Variants in DPP10 observed in about 807,000 individuals in gnomAD.
DPP10 encodes inactive dipeptidyl peptidase 10.
In DPP10, 33 loss-of-function variants were observed where a neutral mutation model predicts 120.9. The observed-to-expected ratio is 0.27, with a 90% CI of 0.21 to 0.37. The LOEUF (loss-of-function observed/expected upper bound fraction) is 0.37. Ranked by LOEUF, DPP10 falls within the 10% of genes least tolerant of loss-of-function variation. The pLI, the probability that DPP10 is intolerant of heterozygous loss-of-function variation, is 1.00. For missense variants in DPP10, 816 were observed against 942.8 expected (o/e 0.87, Z 1.76); for synonymous variants, 337 against 326.1 (o/e 1.03, Z -0.36).
At chr2:115,419,390 G>A (rs541035979) in intron 3 of DPP10, among the ~76,000 whole-genome samples, 2 of 152,112 alleles carry the variant, frequency 1.3e-5, no homozygotes, top group African/African-American at 4.8e-5. Context: ...AAGGAAAAGG[G>A]GAGCAGGCAT....
At chr2:115,585,316 G>T (rs2082221828) in intron 5 of DPP10, among the ~76,000 whole-genome samples, 1 of 152,138 alleles carries the variant, frequency 6.6e-6, no homozygotes, top group Non-Finnish European at 1.5e-5. Flanking sequence ...AATTTCAGTT[G>T]CAGGCATGGG....
chr2:115,806,832 C>A (rs113353092), intron 19 of DPP10, among the ~76,000 whole-genome samples: 2,765 of 152,006 alleles, frequency 0.018, 86 homozygotes, highest in African/African-American at 0.061. Flanking sequence ...TATTTTTTAT[C>A]TAAATTGCCC....
At chr2:115,038,568 C>T (rs1442613731) in intron 1 of DPP10, among the ~76,000 whole-genome samples, 3 of 152,186 alleles carry the variant, frequency 2.0e-5, no homozygotes, top group Non-Finnish European at 4.4e-5. Flanking sequence ...TGAGCCACTG[C>T]ACCCAGCCTC....
chr2:115,241,643 G>A (rs1414654492), intron 1 of DPP10, among the ~76,000 whole-genome samples: 1 of 152,098 alleles, frequency 6.6e-6, no homozygotes, highest in African/African-American at 2.4e-5. Flanking sequence ...GAGACACACA[G>A]GCTTTCTTTC....
intron 1 of DPP10, among the ~76,000 whole-genome samples, chr2:115,212,461 G>T (rs1158638532): frequency 6.6e-6 from 1 of 152,064 alleles, no homozygotes; most frequent in Non-Finnish European, 1.5e-5. Context: ...CTTTAATTCA[G>T]TGTAAACTTT....
At chr2:115,166,035 C>A (rs1369755602) in intron 1 of DPP10, among the ~76,000 whole-genome samples, 1 of 152,068 alleles carries the variant, frequency 6.6e-6, no homozygotes, top group Non-Finnish European at 1.5e-5. Context: ...GTGTAAAATG[C>A]CTTCTCTGAA....
At chr2:115,291,196 A>G (rs1184091322) in intron 1 of DPP10, among the ~76,000 whole-genome samples, 2 of 151,822 alleles carry the variant, frequency 1.3e-5, no homozygotes, top group African/African-American at 4.8e-5. Flanking sequence ...AGAGACAGAG[A>G]TCTCCCTGTG....
chr2:115,436,292 A>G (rs1172480304), intron 3 of DPP10, among the ~76,000 whole-genome samples: 1 of 151,806 alleles, frequency 6.6e-6, no homozygotes, highest in Non-Finnish European at 1.5e-5. Flanking sequence ...AACTAAGTGC[A>G]ATAGATAAAA....
intron 1 of DPP10, among the ~76,000 whole-genome samples, chr2:114,585,624 C>G (rs1412556161): frequency 6.6e-6 from 1 of 152,172 alleles, no homozygotes; most frequent in Admixed American, 6.5e-5. Context: ...GGGCAGCAAG[C>G]TGTCGAGCTG....
rs1011327229 is a variant in DPP10, at chr2:114,747,711, G to T, written c.60+304873G>T. Among the ~76,000 whole-genome samples, 7 of 152,320 alleles carry T rather than the reference G, an allele frequency of 4.6e-5. No individual in the cohort carries two copies. The East Asian group carries it at 7.7e-4, about 17-fold the overall frequency. The stretch of plus-strand genomic sequence containing the variant: ...TCTTCTCTGGATCATTCCAGTTGGA[G>T]ATCATGGGCTTCTGTATTTTTAGTA... On this transcript the variant is annotated intron_variant, in intron 1 of 25. Coordinates refer to ENST00000410059, the MANE Select transcript of DPP10 (RefSeq NM_020868.6).
chr2:115,071,971 G>A (rs116147827), intron 1 of DPP10, among the ~76,000 whole-genome samples: 1 of 152,086 alleles, frequency 6.6e-6, no homozygotes, highest in Non-Finnish European at 1.5e-5. Context: ...CAGCAAAGAA[G>A]AATTGTCCAG....
At chr2:115,361,873 G>C (rs1040506913) in intron 3 of DPP10, among the ~76,000 whole-genome samples, 14 of 152,002 alleles carry the variant, frequency 9.2e-5, no homozygotes, top group Non-Finnish European at 1.9e-4. Flanking sequence ...GTTTCTCTTG[G>C]TTGGAGAGTT....
At chr2:115,093,705 A>G (rs1709473620) in intron 1 of DPP10, among the ~76,000 whole-genome samples, 1 of 152,100 alleles carries the variant, frequency 6.6e-6, no homozygotes, top group Non-Finnish European at 1.5e-5. Flanking sequence ...GTGGTGGGCC[A>G]TTAATTATAT....
chr2:115,514,219 A>G (rs905701368), intron 4 of DPP10, among the ~76,000 whole-genome samples: 2 of 151,924 alleles, frequency 1.3e-5, no homozygotes, highest in African/African-American at 4.8e-5. Context: ...CAACTTGACT[A>G]TGATCTATCT....
intron 1 of DPP10, among the ~76,000 whole-genome samples, chr2:115,227,988 C>T (rs1160675399): frequency 2.0e-5 from 3 of 147,488 alleles, no homozygotes; most frequent in African/African-American, 5.0e-5. Context: ...GTAGTGTGAT[C>T]GTGGCTCTCT....
intron 5 of DPP10, among the ~76,000 whole-genome samples, chr2:115,634,651 G>A (rs1001680508): frequency 6.6e-6 from 1 of 152,162 alleles, no homozygotes; most frequent in Non-Finnish European, 1.5e-5. Context: ...ACTGTATAAT[G>A]TGTCTGGCAA....
At chr2:115,065,849 C>T (rs1706794613) in intron 1 of DPP10, among the ~76,000 whole-genome samples, 1 of 152,090 alleles carries the variant, frequency 6.6e-6, no homozygotes, top group Admixed American at 6.6e-5. Flanking sequence ...TTGAAACACG[C>T]ATGCCAAAAG....
intron 1 of DPP10, among the ~76,000 whole-genome samples, chr2:115,017,572 T>G (rs1489377261): frequency 6.6e-6 from 1 of 152,150 alleles, no homozygotes; most frequent in Non-Finnish European, 1.5e-5. Flanking sequence ...ATTGCGGCAC[T>G]ATTCACAATA....
At chr2:114,965,289 A>G (rs1431110732) in intron 1 of DPP10, among the ~76,000 whole-genome samples, 1 of 151,950 alleles carries the variant, frequency 6.6e-6, no homozygotes, top group African/African-American at 2.4e-5. Context: ...GGCGTGTGCC[A>G]CCATGCCTGG....
Sources: gnomAD v4.1 joint callset for allele counts (sites outside exome capture counted in the v4.1 genomes callset) on GRCh38, gnomAD v4.1.1 for gene constraint, MANE v1.5 for transcripts, NCBI Gene and HGNC (gene_info 2026-07-23, HGNC 2026-07-21) for gene names.